Variants in TSPEAR observed in about 807,000 individuals in gnomAD.
TSPEAR encodes the protein thrombospondin type laminin G domain and EAR repeats, also known as thrombospondin-type laminin G domain and EAR repeat-containing protein.
Under a neutral mutation model 71.6 loss-of-function variants are expected in TSPEAR, and 69 were observed. The observed-to-expected ratio is 0.96, with a 90% CI of 0.79 to 1.18. The LOEUF is 1.18. Ranked by LOEUF, TSPEAR falls within the 50% of genes most tolerant of loss-of-function variation. The pLI is 0.00. For missense variants in TSPEAR, 971 were observed against 894.9 expected, an observed-to-expected ratio of 1.09 and a Z score of -1.09; for synonymous variants, 402 against 387.2, an observed-to-expected ratio of 1.04 and a Z score of -0.45.
At chr21:44,531,354 T>G (rs982288557) in intron 3 of TSPEAR, among the ~76,000 whole-genome samples, 7 of 152,314 alleles carry the variant, frequency 4.6e-5, no homozygotes, top group African/African-American at 1.7e-4. Flanking sequence ...AGGAGGACGC[T>G]TCCTCGACTC....
intron 1 of TSPEAR, among the ~76,000 whole-genome samples, chr21:44,645,200 T>C (rs1399097652): frequency 4.6e-5 from 7 of 152,024 alleles, no homozygotes; most frequent in African/African-American, 1.4e-4. Flanking sequence ...AAAATGAAAA[T>C]TGAAATAATC....
chr21:44,501,247 C>G (rs924630472), intron 11 of TSPEAR, among the ~76,000 whole-genome samples: 1 of 151,828 alleles, frequency 6.6e-6, no homozygotes, highest in Non-Finnish European at 1.5e-5. Context: ...GTCAGGAGTT[C>G]GAGAACAGCC....
intron 6 of TSPEAR, among the ~76,000 whole-genome samples, chr21:44,527,730 C>A (rs2052886413): frequency 6.6e-6 from 1 of 152,176 alleles, no homozygotes; most frequent in South Asian, 2.1e-4. Context: ...TCTGTGCAGC[C>A]CCCAGTGAAG....
At chr21:44,510,722 A>C (rs1466599150) in intron 9 of TSPEAR, 1 of 152,264 alleles carries the variant, frequency 6.6e-6, no homozygotes, top group African/African-American at 2.4e-5. Flanking sequence ...GGAGGGCGCC[A>C]CAGGTGAGGA....
chr21:44,612,195 C>T lies in TSPEAR; in HGVS notation c.83-44190G>A. The T allele has an allele frequency of 5.0e-6, 8 of 1,613,586 alleles. No individual in the cohort carries two copies. Among genetic ancestry groups the T allele is most frequent in the Non-Finnish European group, 6.8e-6 (8 of 1,179,708 alleles). On this transcript the variant is annotated intron_variant, in intron 1 of 11. Transcript: ENST00000323084. This position sits in a 1 kb window ranked among gnomAD's most constrained non-coding sequence, Gnocchi z 4.1. ...GTGGGCCATGTCAGCCGAGTCTCCTCCCCCAGCACCTGCACTGGCTCCTCC... is the reference window on the plus strand; with the variant it reads ...GTGGGCCATGTCAGCCGAGTCTCCTTCCCCAGCACCTGCACTGGCTCCTCC...
At chr21:44,554,230 C>G (rs908806846) in intron 2 of TSPEAR, among the ~76,000 whole-genome samples, 1 of 152,148 alleles carries the variant, frequency 6.6e-6, no homozygotes, top group Non-Finnish European at 1.5e-5. Flanking sequence ...ATCTGGGCCA[C>G]GTGAGGACAG....
At chr21:44,610,395 G>T (rs954031898) in intron 1 of TSPEAR, among the ~76,000 whole-genome samples, 1 of 152,222 alleles carries the variant, frequency 6.6e-6, no homozygotes, top group Non-Finnish European at 1.5e-5. Context: ...TCAGACTGTG[G>T]CTTCAGAGGG....
Position 44,710,142 on chromosome 21 carries a change from G to A in TSPEAR, c.82+1291C>T. Reference sequence around the variant, plus strand: ...GCCCCGGGGTCCTCGAGCAGGGGAGGGAGAAAGGCTGGCGCTGCGCCCTCC... The same window carrying A: ...GCCCCGGGGTCCTCGAGCAGGGGAGAGAGAAAGGCTGGCGCTGCGCCCTCC... On this transcript the variant is annotated intron_variant, in intron 1 of 11. Transcript: ENST00000323084. This position sits in a 1 kb window ranked among gnomAD's most constrained non-coding sequence, Gnocchi z 4.6. 6.6e-6 allele frequency among the ~76,000 whole-genome samples: 1 copy of A among 152,018 alleles called. No individual in the cohort carries two copies. The highest frequency in any genetic ancestry group is 1.9e-4 in the East Asian group (1 of 5,150).
chr21:44,648,306 A>T (rs1269612443), intron 1 of TSPEAR, among the ~76,000 whole-genome samples: 1 of 152,150 alleles, frequency 6.6e-6, no homozygotes, highest in South Asian at 2.1e-4. Context: ...CACTAGTGAG[A>T]CCAGTCAGGT....
Position 44,612,462 on chromosome 21 carries a change from C to A in TSPEAR, c.83-44457G>T. ...CCCTGCCAACAGGCCTGCTGTGTGCCTGTGTGCTGCAAGTCCAACTGCTGC... is the reference window on the plus strand; with the variant it reads ...CCCTGCCAACAGGCCTGCTGTGTGCATGTGTGCTGCAAGTCCAACTGCTGC... On this transcript the variant is annotated intron_variant, in intron 1 of 11. Coordinates refer to ENST00000323084, the MANE Select transcript of TSPEAR (RefSeq NM_144991.3). This position sits in a 1 kb window ranked among gnomAD's most constrained non-coding sequence, Gnocchi z 4.1. 6.2e-7 allele frequency: 1 copy of A among 1,612,248 alleles called. No homozygotes were observed.
chr21:44,611,168 G>T (rs587611451), intron 1 of TSPEAR, among the ~76,000 whole-genome samples: 1 of 152,176 alleles, frequency 6.6e-6, no homozygotes, highest in South Asian at 2.1e-4. Context: ...TTTGAAATGT[G>T]AAGACATAAG....
intron 2 of TSPEAR, among the ~76,000 whole-genome samples, chr21:44,560,531 A>T (rs138331218): frequency 0.027 from 4,143 of 152,328 alleles, 70 homozygotes; most frequent in Non-Finnish European, 0.043. Context: ...CAGAAGATAC[A>T]TTCTTCTCAG....
chr21:44,526,898 A>G (rs2052866846), intron 7 of TSPEAR, among the ~76,000 whole-genome samples: 1 of 152,212 alleles, frequency 6.6e-6, no homozygotes, highest in South Asian at 2.1e-4. Flanking sequence ...TTGCATGTGG[A>G]CATCACGTGT....
At chr21:44,604,839 GGTGATCATGT>G (rs1250525339) in intron 1 of TSPEAR, among the ~76,000 whole-genome samples, 6 of 152,112 alleles carry the variant, frequency 3.9e-5, no homozygotes. Context: ...CATCTATTGG[GGTGATCATGT>G]GTTTTTTGTC....
chr21:44,596,908 T>C (rs1407508138), intron 1 of TSPEAR, among the ~76,000 whole-genome samples: 2 of 152,372 alleles, frequency 1.3e-5, no homozygotes, highest in Admixed American at 6.5e-5. Context: ...GATATACAGA[T>C]AGGAAATGTG....
At chr21:44,625,890 A>G (rs1555934212) in intron 1 of TSPEAR, among the ~76,000 whole-genome samples, 1 of 152,136 alleles carries the variant, frequency 6.6e-6, no homozygotes, top group East Asian at 1.9e-4. Flanking sequence ...CTGGGACACC[A>G]CACTTTGCGT....
intron 1 of TSPEAR, chr21:44,646,815 C>T: frequency 1.3e-6 from 2 of 1,574,792 alleles, no homozygotes; most frequent in African/African-American, 1.4e-5. Flanking sequence ...TGCCTGTCTG[C>T]TGTGGGGCTG....
At chr21:44,515,245 T>G (rs1010413962) in intron 9 of TSPEAR, among the ~76,000 whole-genome samples, 27 of 152,184 alleles carry the variant, frequency 1.8e-4, no homozygotes, top group Admixed American at 6.5e-5. Flanking sequence ...CTTTGTGAGT[T>G]TTGAGGAATT....
intron 11 of TSPEAR, among the ~76,000 whole-genome samples, chr21:44,501,395 A>C (rs2052026817): frequency 6.6e-6 from 1 of 152,204 alleles, no homozygotes; most frequent in African/African-American, 2.4e-5. Flanking sequence ...GGAGATCGAG[A>C]CCATCCTGGC....
Sources: allele counts gnomAD v4.1 joint callset (sites outside exome capture counted in the v4.1 genomes callset), GRCh38; gene constraint gnomAD v4.1.1; non-coding constraint Gnocchi (gnomAD v3.1); transcripts MANE v1.5; gene names NCBI Gene and HGNC (gene_info 2026-07-23, HGNC 2026-07-21).